GRK2: variants seen among roughly 807,000 people sequenced by gnomAD.
GRK2 encodes adrenergic beta receptor kinase 1.
Under a neutral mutation model 97.8 loss-of-function variants are expected in GRK2, and 23 were observed. That is an observed-to-expected ratio of 0.24 (90% confidence interval 0.17 to 0.33). The LOEUF (loss-of-function observed/expected upper bound fraction) is 0.33, where lower values mean the gene tolerates loss of function less well. Ranked by LOEUF, GRK2 falls within the 10% of genes least tolerant of loss-of-function variation. The pLI is 1.00. For missense variants in GRK2, 633 were observed against 956.9 expected, an observed-to-expected ratio of 0.66 and a Z score of 4.47; for synonymous variants, 425 against 381.7, an observed-to-expected ratio of 1.11 and a Z score of -1.32.
chr11:67,285,431 G>A lies in GRK2; in HGVS notation c.2051G>A (p.Gly684Asp), dbSNP rs1318881207. Reference sequence around the variant, plus strand: ...AGCAAGGTGCCGCTGGTCCAGCGCGGCAGTGCCAACGGCCTCTGACCCGCC... The same window carrying A: ...AGCAAGGTGCCGCTGGTCCAGCGCGACAGTGCCAACGGCCTCTGACCCGCC... ...ELSKVPLVQR[G>D]SANGL is the part of the protein sequence containing the mutation. The change falls in exon 21 of 21, where the codon GGC becomes GAC. Residue 684 changes from glycine to aspartate, a missense_variant. Physicochemically the swap from Gly to Asp is moderately conservative, Grantham distance 94. Transcript: ENST00000308595. 6.3e-7 allele frequency: 1 copy of A among 1,580,656 alleles called. No individual in the cohort carries two copies. The highest frequency in any genetic ancestry group is 8.6e-7 in the Non-Finnish European group (1 of 1,162,144).
intron 1 of GRK2, among the ~76,000 whole-genome samples, chr11:67,274,322 A>G (rs1859976701): frequency 6.6e-6 from 1 of 151,350 alleles, no homozygotes; most frequent in Non-Finnish European, 1.5e-5. Flanking sequence ...AGCTGGCACC[A>G]TTTTTGCAGG....
Position 67,285,528 on chromosome 11 carries a change from G to A in GRK2, c.*78G>A, listed in dbSNP as rs989431967. 94 of 1,433,518 alleles carry A rather than the reference G, an allele frequency of 6.6e-5. No individual in the cohort carries two copies. The highest frequency in any genetic ancestry group is 8.6e-5 in the African/African-American group (6 of 69,588). The allele number at this position is 1,433,518 out of a possible 1,614,324, so 88.8% of individuals were successfully genotyped here. ...ATTTGTTTTCCCGCCAAGCGGAAAA[G>A]GTTTTATTTTGTAATTATTGTGATT... On this transcript the variant is annotated 3_prime_UTR_variant, in exon 21 of 21. Coordinates refer to ENST00000308595, the MANE Select transcript of GRK2 (RefSeq NM_001619.5).
At chr11:67,267,759 A>G (rs1199744578) in intron 1 of GRK2, among the ~76,000 whole-genome samples, 1 of 152,152 alleles carries the variant, frequency 6.6e-6, no homozygotes, top group Non-Finnish European at 1.5e-5. Flanking sequence ...GTATCTCTCC[A>G]CTGTGTGAGC....
At chr11:67,279,547 C>G (rs1188026185) in intron 4 of GRK2, 28 bp downstream of exon 4, 2 of 1,612,352 alleles carry the variant, frequency 1.2e-6, no homozygotes, top group Non-Finnish European at 1.7e-6. Flanking sequence ...GCCCTGTGTG[C>G]TGGCCCAGAG....
chr11:67,286,067 C>A lies in GRK2; in HGVS notation c.*617C>A. On this transcript the variant is annotated 3_prime_UTR_variant, in exon 21 of 21. Coordinates refer to ENST00000308595, the MANE Select transcript of GRK2 (RefSeq NM_001619.5). ...GGCTTGGCTGAGAGAGTGGCATTGG[C>A]AGCAGGTGCTGCTACCCTCCCTGCT... The A allele has an allele frequency of 3.1e-6, 1 of 318,828 alleles. No homozygotes were observed. 19.7% of individuals were successfully genotyped at this position (318,828 alleles called of 1,614,324 possible).
At chr11:67,279,297 T>A (rs745815873) in intron 3 of GRK2, 24 bp downstream of exon 3, 2 of 1,612,772 alleles carry the variant, frequency 1.2e-6, no homozygotes, top group Non-Finnish European at 1.7e-6. Flanking sequence ...GCCCAAGCCC[T>A]GCTCTGCCTG....
At chr11:67,280,663 G>A in intron 6 of GRK2, 69 bp from the exon 7 acceptor site, 1 of 1,579,818 alleles carries the variant, frequency 6.3e-7, no homozygotes, top group East Asian at 2.2e-5. Flanking sequence ...GGCTGGGTGG[G>A]GAGGCTCACG....
chr11:67,282,196 T>G lies in GRK2; in HGVS notation c.958-75T>G. The stretch of plus-strand genomic sequence containing the variant: ...CCCATCGTCCTCTCCAGTGAAGCAG[T>G]GACCCAGCTGGCATCTTGCCTGGCT... On this transcript the variant is annotated intron_variant, in intron 11 of 20. Coordinates refer to ENST00000308595, the MANE Select transcript of GRK2 (RefSeq NM_001619.5). The surrounding 1 kb of genome is among the most constrained non-coding windows in gnomAD (Gnocchi z 6.9). 6.9e-7 allele frequency: 1 copy of G among 1,444,758 alleles called. No individual in the cohort carries two copies. The highest frequency in any genetic ancestry group is 1.2e-5 in the South Asian group (1 of 85,262). The allele number at this position is 1,444,758 out of a possible 1,614,324, so 89.5% of individuals were successfully genotyped here.
intron 16 of GRK2, 23 bp downstream of exon 16, chr11:67,283,796 G>A (rs759398815): frequency 6.2e-7 from 1 of 1,613,042 alleles, no homozygotes; most frequent in Non-Finnish European, 8.5e-7. Context: ...GGCAGGGACT[G>A]GGGGTGCTCT....
rs1191186335 is a variant in GRK2 at position 67,266,720 on chromosome 11, G to A, written c.21G>A (p.Val7=). 5 of 1,313,756 alleles carry A rather than the reference G, an allele frequency of 3.8e-6. No individual in the cohort carries two copies. The highest frequency in any genetic ancestry group is 4.9e-6 in the Non-Finnish European group (5 of 1,020,206). The allele number at this position is 1,313,756 out of a possible 1,614,324, so 81.4% of individuals were successfully genotyped here. The part of the protein sequence containing the change: MADLEA[V]LADVSYLMAM... ...CCAAGATGGCGGACCTGGAGGCGGT[G>A]CTGGCCGACGTGAGCTACCTGATGG... is the stretch of plus-strand genomic sequence containing the variant. The change falls in exon 1 of 21, where the codon GTG becomes GTA. Residue 7 remains valine, a synonymous_variant. Transcript: ENST00000308595.
At chr11:67,283,293 C>G (rs942317525) in intron 15 of GRK2, 65 bp downstream of exon 15, 3 of 1,428,746 alleles carry the variant, frequency 2.1e-6, no homozygotes, top group Non-Finnish European at 3.0e-6. Flanking sequence ...GGCTGTGTCC[C>G]GTCACCTGGA....
intron 2 of GRK2, 119 bp from the exon 3 acceptor site, chr11:67,279,081 G>A: frequency 1.2e-6 from 1 of 825,574 alleles, no homozygotes; most frequent in South Asian, 1.4e-5. Context: ...CTGGGGCCGA[G>A]ACCACCTTTG....
At chr11:67,277,016 G>A in intron 1 of GRK2, 1 of 375,536 alleles carries the variant, frequency 2.7e-6, no homozygotes, top group South Asian at 4.6e-5. Context: ...CACAGGCGGT[G>A]GGCCTCTGAG....
Position 67,266,619 on chromosome 11 carries a change from G to C in GRK2, c.-81G>C. 9.0e-6 allele frequency: 5 copies of C among 556,826 alleles called. No homozygotes were observed. Among genetic ancestry groups the C allele is most frequent in the Non-Finnish European group, 1.1e-5 (5 of 440,350 alleles). 34.5% of individuals were successfully genotyped at this position (556,826 alleles called of 1,614,324 possible). ...CGGCGCCCGAGGCCGAGCGAGCCGC[G>C]GCCGGGCCGGGCCGAGCGCCGAGCG... is the stretch of plus-strand genomic sequence containing the variant. On this transcript the variant is annotated 5_prime_UTR_variant, in exon 1 of 21. Transcript: ENST00000308595.
At chr11:67,279,313 A>G (rs1353776024) in intron 3 of GRK2, 40 bp downstream of exon 3, 6 of 1,611,278 alleles carry the variant, frequency 3.7e-6, no homozygotes, top group Non-Finnish European at 5.1e-6. Flanking sequence ...GCCTGGAGAA[A>G]GGGGAGGAGG....
intron 15 of GRK2, 100 bp from the exon 16 acceptor site, chr11:67,283,607 G>C (rs913402985): frequency 1.7e-6 from 2 of 1,175,704 alleles, no homozygotes; most frequent in African/African-American, 3.0e-5. Context: ...CAGGCTTAAG[G>C]AACTTGCCCA....
At chr11:67,279,100 A>T in intron 2 of GRK2, 100 bp from the exon 3 acceptor site, 1 of 1,013,738 alleles carries the variant, frequency 9.9e-7, no homozygotes, top group Non-Finnish European at 1.6e-6. Flanking sequence ...TGCCACCTCC[A>T]TAGCCAGTTC....
At chr11:67,280,114 C>T in intron 6 of GRK2, 1 of 589,218 alleles carries the variant, frequency 1.7e-6, no homozygotes. Flanking sequence ...CAGCTCAAAG[C>T]CCATCCCAGG....
At chr11:67,275,762 G>A (rs1007082714) in intron 1 of GRK2, among the ~76,000 whole-genome samples, 1 of 151,988 alleles carries the variant, frequency 6.6e-6, no homozygotes, top group Non-Finnish European at 1.5e-5. Context: ...GCCAGCTGCC[G>A]AGATCCCACT....
Sources: gnomAD v4.1 joint callset for allele counts (sites outside exome capture counted in the v4.1 genomes callset) on GRCh38, gnomAD v4.1.1 for gene constraint, Gnocchi (gnomAD v3.1) non-coding constraint, MANE v1.5 for transcripts, NCBI Gene and HGNC (gene_info 2026-07-23, HGNC 2026-07-21) for gene names.